KLHL1: variants seen among roughly 807,000 people sequenced by gnomAD.
The protein encoded by KLHL1 is kelch like family member 1.
Under a neutral mutation model 77.7 loss-of-function variants are expected in KLHL1, and 47 were observed. The ratio of observed to expected loss-of-function variants is 0.60; its 90% CI spans 0.48 to 0.77. The LOEUF (loss-of-function observed/expected upper bound fraction) is 0.77, where lower values mean the gene tolerates loss of function less well. Ranked by LOEUF, KLHL1 falls within the 30% of genes least tolerant of loss-of-function variation. The pLI is 0.00. For missense variants in KLHL1, 925 were observed against 910.8 expected (o/e 1.02, Z -0.20); for synonymous variants, 360 against 325.2 (o/e 1.11, Z -1.15).
At chr13:70,055,668 G>C (rs556427842) in intron 1 of KLHL1, among the ~76,000 whole-genome samples, 1 of 152,034 alleles carries the variant, frequency 6.6e-6, no homozygotes, top group Non-Finnish European at 1.5e-5. Context: ...AAAAAGTGGC[G>C]AGTATGTAGT....
At chr13:70,004,672 A>G (rs1224149252) in intron 1 of KLHL1, among the ~76,000 whole-genome samples, 6 of 151,934 alleles carry the variant, frequency 3.9e-5, no homozygotes, top group Admixed American at 1.3e-4. Flanking sequence ...ATAATTCTTA[A>G]AGGCAAACCA....
chr13:69,996,255 A>T (rs1176815641), intron 1 of KLHL1, among the ~76,000 whole-genome samples: 1 of 152,072 alleles, frequency 6.6e-6, no homozygotes, highest in Admixed American at 6.6e-5. Flanking sequence ...GTGAGCCAAG[A>T]TCGCACCATT....
intron 6 of KLHL1, among the ~76,000 whole-genome samples, chr13:69,804,298 AT>A (rs62962260): frequency 1.2e-5 from 1 of 82,832 alleles, no homozygotes; most frequent in South Asian, 4.6e-4. Flanking sequence ...GACAAATATA[AT>A]TTTTTTGTGG....
chr13:69,968,293 A>G (rs1884277315), intron 2 of KLHL1, among the ~76,000 whole-genome samples: 1 of 151,910 alleles, frequency 6.6e-6, no homozygotes, highest in Admixed American at 6.6e-5. Context: ...GTGCTACTGC[A>G]CACTTATTAG....
At chr13:69,731,232 G>A (rs577964625) in intron 8 of KLHL1, among the ~76,000 whole-genome samples, 2 of 152,070 alleles carry the variant, frequency 1.3e-5, no homozygotes, top group African/African-American at 2.4e-5. Context: ...AAGGCACAAC[G>A]GAATAAAAAT....
At chr13:69,962,375 T>G (rs2137272257) in intron 2 of KLHL1, among the ~76,000 whole-genome samples, 1 of 152,188 alleles carries the variant, frequency 6.6e-6, no homozygotes, top group South Asian at 2.1e-4. Flanking sequence ...CTTTTTACAT[T>G]TAGGTAGATG....
intron 7 of KLHL1, among the ~76,000 whole-genome samples, chr13:69,791,552 A>T (rs898037856): frequency 6.6e-6 from 1 of 152,216 alleles, no homozygotes; most frequent in Admixed American, 6.5e-5. Context: ...AGCTTCAGTA[A>T]ACAAGAAAAT....
At chr13:69,831,901 CT>C (rs1878776572) in intron 6 of KLHL1, among the ~76,000 whole-genome samples, 1 of 150,020 alleles carries the variant, frequency 6.7e-6, no homozygotes, top group South Asian at 2.1e-4. Flanking sequence ...TCCAACATCC[CT>C]TTATGATTAA....
chr13:69,932,665 T>A (rs1883038262), intron 4 of KLHL1, among the ~76,000 whole-genome samples: 1 of 151,934 alleles, frequency 6.6e-6, no homozygotes, highest in Non-Finnish European at 1.5e-5. Context: ...CTAAGATATT[T>A]TTAATATATT....
At chr13:69,918,825 T>C (rs1458163345) in intron 4 of KLHL1, among the ~76,000 whole-genome samples, 1 of 152,148 alleles carries the variant, frequency 6.6e-6, no homozygotes, top group African/African-American at 2.4e-5. Flanking sequence ...GTCCTTTCTC[T>C]AGTCAATTAA....
intron 10 of KLHL1, among the ~76,000 whole-genome samples, chr13:69,702,808 C>A (rs1463137340): frequency 6.6e-6 from 1 of 151,560 alleles, no homozygotes; most frequent in Non-Finnish European, 1.5e-5. Context: ...AGAATTATTG[C>A]ATAAAATGAG....
At chr13:69,944,149 A>G (rs1883446624) in intron 3 of KLHL1, among the ~76,000 whole-genome samples, 1 of 152,230 alleles carries the variant, frequency 6.6e-6, no homozygotes, top group Non-Finnish European at 1.5e-5. Flanking sequence ...CCTAAACTGT[A>G]CAAACAATAT....
At chr13:69,777,506 A>C (rs1051922337) in intron 7 of KLHL1, among the ~76,000 whole-genome samples, 1 of 152,166 alleles carries the variant, frequency 6.6e-6, no homozygotes. Flanking sequence ...CATATTTTAA[A>C]ATACTTTCAT....
intron 5 of KLHL1, among the ~76,000 whole-genome samples, chr13:69,862,015 T>TAAAATAAAATAAAAC (rs1880188288): frequency 6.9e-6 from 1 of 145,976 alleles, no homozygotes; most frequent in Non-Finnish European, 1.5e-5. Context: ...TAAAATAAAA[T>TAAAATAAAATAAAAC]AAAATAAAAG....
intron 9 of KLHL1, among the ~76,000 whole-genome samples, chr13:69,710,448 A>C (rs1188412575): frequency 1.3e-5 from 2 of 152,066 alleles, no homozygotes; most frequent in Non-Finnish European, 2.9e-5. Flanking sequence ...AATAATATTT[A>C]AATTTACATT....
At chr13:69,811,853 G>T (rs1274045008) in intron 6 of KLHL1, among the ~76,000 whole-genome samples, 6 of 152,112 alleles carry the variant, frequency 3.9e-5, no homozygotes, top group Non-Finnish European at 7.4e-5. Flanking sequence ...CAAAAAACCA[G>T]CTCCTGGATT....
chr13:69,724,716 C>T (rs758324844), intron 8 of KLHL1, among the ~76,000 whole-genome samples: 6 of 152,166 alleles, frequency 3.9e-5, no homozygotes, highest in South Asian at 2.1e-4. Context: ...GCCATACATA[C>T]ACCACATGAA....
At chr13:69,721,066 T>TAG (rs1873028771) in intron 8 of KLHL1, among the ~76,000 whole-genome samples, 1 of 56,114 alleles carries the variant, frequency 1.8e-5, no homozygotes, top group African/African-American at 4.4e-5. Context: ...TACTAAGATA[T>TAG]ATATATATAT....
chr13:69,902,330 G>A (rs971545922), intron 4 of KLHL1, among the ~76,000 whole-genome samples: 1 of 152,066 alleles, frequency 6.6e-6, no homozygotes, highest in Non-Finnish European at 1.5e-5. Flanking sequence ...GGCAACGACA[G>A]GAACATTTTA....
Sources: allele counts gnomAD v4.1 joint callset (sites outside exome capture counted in the v4.1 genomes callset), GRCh38; gene constraint gnomAD v4.1.1; transcripts MANE v1.5; gene names NCBI Gene and HGNC (gene_info 2026-07-23, HGNC 2026-07-21).